The following CDS2 variants were observed in gnomAD, a reference collection of about 807,000 sequenced individuals.
CDS2 encodes phosphatidate cytidylyltransferase 2.
A neutral mutation model predicts 59.0 loss-of-function variants in CDS2; 47 were observed. The ratio of observed to expected loss-of-function variants is 0.80; its 90% CI spans 0.63 to 1.02. CDS2 has a LOEUF of 1.02. CDS2 is among the 50% of genes least tolerant of loss of function. The pLI is 0.00. For synonymous variants in CDS2, 207 were observed against 206.4 expected, an observed-to-expected ratio of 1.00 and a Z score of -0.02; for missense variants, 356 against 558.9, an observed-to-expected ratio of 0.64 and a Z score of 3.66.
chr20:5,146,786 C>A (rs1023971600), intron 1 of CDS2, among the ~76,000 whole-genome samples: 1 of 152,140 alleles, frequency 6.6e-6, no homozygotes, highest in Non-Finnish European at 1.5e-5. Context: ...AATAAACAAG[C>A]TAGAAGTTTA....
intron 1 of CDS2, among the ~76,000 whole-genome samples, chr20:5,146,193 AGTTTT>A (rs1039566432): frequency 2.6e-4 from 39 of 152,010 alleles, no homozygotes; most frequent in African/African-American, 7.7e-4. Flanking sequence ...GACATTTTTT[AGTTTT>A]GTTTTGTGTA....
At chr20:5,168,417 C>CAAAAA (rs71332877) in intron 1 of CDS2, among the ~76,000 whole-genome samples, 3 of 71,522 alleles carry the variant, frequency 4.2e-5, no homozygotes, top group East Asian at 4.1e-4. Context: ...TCTGTCCCCC[C>CAAAAA]AAAAAAAAAA....
At chr20:5,143,717 A>T (rs1231278521) in intron 1 of CDS2, among the ~76,000 whole-genome samples, 1 of 143,928 alleles carries the variant, frequency 6.9e-6, no homozygotes, top group Non-Finnish European at 1.5e-5. Context: ...TGAGTGTACA[A>T]ATATCTGTTT....
chr20:5,187,896 A>AT (rs1443331729), intron 10 of CDS2: 2 of 151,264 alleles, frequency 1.3e-5, no homozygotes, highest in Non-Finnish European at 2.9e-5. Context: ...AAAAAAAAAA[A>AT]GAAAAGAAAA....
At chr20:5,173,731 C>A (rs1458987291) in intron 2 of CDS2, 72 bp downstream of exon 2, 6 of 1,576,848 alleles carry the variant, frequency 3.8e-6, no homozygotes, top group Admixed American at 1.7e-5. Context: ...GAAGAGCCTG[C>A]AGAGAGCCCG....
At chr20:5,132,988 C>A (rs1009372062) in intron 1 of CDS2, among the ~76,000 whole-genome samples, 1 of 149,142 alleles carries the variant, frequency 6.7e-6, no homozygotes, top group Non-Finnish European at 1.5e-5. Flanking sequence ...CTGGCTAAGA[C>A]GGCAAAACCC....
intron 1 of CDS2, among the ~76,000 whole-genome samples, chr20:5,144,562 T>C (rs2090723849): frequency 6.6e-6 from 1 of 152,214 alleles, no homozygotes; most frequent in Non-Finnish European, 1.5e-5. Context: ...AGACTACATA[T>C]CTCTTTTGAG....
rs564107200 is a variant in CDS2 at position 5,173,621 on chromosome 20, G to A, written c.156G>A (p.Pro52=). Residue 52 remains proline (P), a synonymous_variant, in exon 2 of 13, where the codon CCG becomes CCA. Coordinates refer to ENST00000460006, the MANE Select transcript of CDS2 (RefSeq NM_003818.4). The part of the protein sequence containing the change: ...APLPVSADDT[P]EVLNRALSNL... The stretch of plus-strand genomic sequence containing the variant: ...TGCCAGTCTCTGCAGATGATACCCC[G>A]GAGGTCCTCAATAGGGCCCTTTCCA... 4.4e-5 allele frequency: 71 copies of A among 1,614,184 alleles called. 1 individual carries two copies. In the South Asian group the frequency reaches 6.7e-4, roughly 15 times the overall value.
chr20:5,166,975 G>GT (rs779471977), intron 1 of CDS2, among the ~76,000 whole-genome samples: 28 of 152,192 alleles, frequency 1.8e-4, no homozygotes, highest in Non-Finnish European at 1.2e-4. Context: ...CTAGATGGTT[G>GT]TAAGTAGGGC....
At chr20:5,130,829 C>T (rs569118322) in intron 1 of CDS2, among the ~76,000 whole-genome samples, 40 of 151,974 alleles carry the variant, frequency 2.6e-4, no homozygotes, top group East Asian at 1.9e-3. Flanking sequence ...TGGTAGCTCA[C>T]GCCTGTAATC....
rs57378947 is a variant in CDS2, at chr20:5,151,750, C to CTTTTTT, written c.58-21747_58-21742dup. Among the ~76,000 whole-genome samples the CTTTTTT allele has an allele frequency of 1.8e-3, 97 of 53,192 alleles. 6 individuals are homozygous for CTTTTTT. Among genetic ancestry groups the CTTTTTT allele is most frequent in the South Asian group, 8.2e-3 (8 of 980 alleles). The allele number at this position is 53,192 out of a possible 152,430, so 34.9% of individuals were successfully genotyped here. A position where few individuals can be genotyped will look rare whatever the true frequency, so the allele number is the denominator to read the frequency against. Reference sequence around the variant, plus strand: ...ACCATGCCTGGCCTAGACTCCATGTCTTTTTTTTTTTTTTTTTTTTTTTTT... The same window carrying CTTTTTT: ...ACCATGCCTGGCCTAGACTCCATGTCTTTTTTTTTTTTTTTTTTTTTTTTTTTTTTT... On this transcript the variant is annotated intron_variant, in intron 1 of 12. Coordinates refer to ENST00000460006, the MANE Select transcript of CDS2 (RefSeq NM_003818.4).
At chr20:5,132,189 C>G (rs2090613106) in intron 1 of CDS2, among the ~76,000 whole-genome samples, 1 of 152,040 alleles carries the variant, frequency 6.6e-6, no homozygotes, top group African/African-American at 2.4e-5. Flanking sequence ...CCTCTGCCTC[C>G]TGGGTTCAAG....
intron 1 of CDS2, among the ~76,000 whole-genome samples, chr20:5,127,593 C>T (rs1238709535): frequency 1.3e-5 from 2 of 152,160 alleles, no homozygotes; most frequent in South Asian, 2.1e-4. Flanking sequence ...CAGGACAAGG[C>T]CATAGCATTT....
chr20:5,153,089 G>A (rs2090805524), intron 1 of CDS2, among the ~76,000 whole-genome samples: 1 of 152,140 alleles, frequency 6.6e-6, no homozygotes, highest in South Asian at 2.1e-4. Context: ...GGCCTTTGGG[G>A]CTAGTTTTGA....
intron 1 of CDS2, among the ~76,000 whole-genome samples, chr20:5,156,980 G>A (rs2090838698): frequency 6.6e-6 from 1 of 152,182 alleles, no homozygotes; most frequent in Non-Finnish European, 1.5e-5. Flanking sequence ...TCTAAATTAT[G>A]TGCCTACACT....
chr20:5,169,636 A>G (rs1187993092), intron 1 of CDS2, among the ~76,000 whole-genome samples: 1 of 152,238 alleles, frequency 6.6e-6, no homozygotes, highest in Non-Finnish European at 1.5e-5. Context: ...TCATGAACAT[A>G]TGCATATGTC....
intron 1 of CDS2, among the ~76,000 whole-genome samples, chr20:5,169,260 C>T (rs2090937370): frequency 6.6e-6 from 1 of 152,178 alleles, no homozygotes; most frequent in South Asian, 2.1e-4. Context: ...GGAGGGGTGC[C>T]TGGGAGCTGG....
chr20:5,151,690 C>G (rs953986252), intron 1 of CDS2, among the ~76,000 whole-genome samples: 1 of 150,846 alleles, frequency 6.6e-6, no homozygotes. Flanking sequence ...CTTCTGTCTG[C>G]ACCTCCCAAA....
At chr20:5,173,103 C>T (rs1247460681) in intron 1 of CDS2, among the ~76,000 whole-genome samples, 2 of 152,234 alleles carry the variant, frequency 1.3e-5, no homozygotes, top group Non-Finnish European at 2.9e-5. Flanking sequence ...ATTAACAGGT[C>T]TACAGGGGCA....
Sources: gnomAD v4.1 joint callset for allele counts (sites outside exome capture counted in the v4.1 genomes callset) on GRCh38, gnomAD v4.1.1 for gene constraint, MANE v1.5 for transcripts, NCBI Gene and HGNC (gene_info 2026-07-23, HGNC 2026-07-21) for gene names.